The following DMD variants were observed in gnomAD, a reference collection of about 807,000 sequenced individuals.
DMD encodes the protein mutant dystrophin.
Under a neutral mutation model 330.1 loss-of-function variants are expected in DMD, and 63 were observed. That is an observed-to-expected ratio of 0.19 (90% CI 0.16 to 0.24). The LOEUF is 0.24. DMD is among the 10% of genes least tolerant of loss of function. The probability of loss-of-function intolerance (pLI) is 1.00; values close to 1 mark genes in which losing one functional copy is unlikely to be tolerated. For synonymous variants in DMD, 1,223 were observed against 959.8 expected (o/e 1.27, Z -5.07); for missense variants, 3,344 against 2,684.1 (o/e 1.25, Z -5.43).
intron 7 of DMD, among the ~76,000 whole-genome samples, chrX:32,722,718 G>A (rs956777836): frequency 4.5e-5 from 5 of 110,513 alleles, no homozygotes; most frequent in Admixed American, 2.9e-4. Flanking sequence ...ATCATAAATA[G>A]AATTTTTTAA....
chrX:32,593,781 A>C (rs2055205309), intron 13 of DMD, among the ~76,000 whole-genome samples: 1 of 112,623 alleles, frequency 8.9e-6, no homozygotes. Context: ...GACCAATTTT[A>C]GTTATAAAAT....
rs750267158 is a variant in DMD at position 33,110,752 on chromosome X, A to G, written c.32-90552T>C. 9.0e-5 allele frequency among the ~76,000 whole-genome samples: 10 copies of G among 110,951 alleles called. No homozygotes were observed. In the South Asian group the frequency reaches 3.4e-3, roughly 38 times the overall value. On this transcript the variant is annotated intron_variant, in intron 1 of 78. Transcript: ENST00000357033. ...TTTGACTGTATGGCTTCAAGGGCAG[A>G]GTTTTTATTTGTTCATCTTTGTGTC...
chrX:32,680,136 A>G (rs2062295013), intron 9 of DMD, among the ~76,000 whole-genome samples: 1 of 107,168 alleles, frequency 9.3e-6, no homozygotes, highest in African/African-American at 3.4e-5. Flanking sequence ...CTGGTCTCGA[A>G]CTCCTGAACT....
At chrX:32,264,073 C>T (rs1477446235) in intron 43 of DMD, among the ~76,000 whole-genome samples, 1 of 111,352 alleles carries the variant, frequency 9.0e-6, no homozygotes, top group Non-Finnish European at 1.9e-5. Context: ...AATTGCAGTT[C>T]CCATAATCCC....
chrX:31,381,900 T>C (rs1431087312), intron 60 of DMD, among the ~76,000 whole-genome samples: 2 of 111,734 alleles, frequency 1.8e-5, no homozygotes, highest in South Asian at 3.8e-4. Context: ...ACACATCAAG[T>C]TCGAGGATTT....
At chrX:32,269,730 T>A (rs1266674588) in intron 43 of DMD, among the ~76,000 whole-genome samples, 1 of 112,305 alleles carries the variant, frequency 8.9e-6, no homozygotes, top group Non-Finnish European at 1.9e-5. Flanking sequence ...AATATCCAAG[T>A]ATTAGATTCT....
chrX:32,690,250 G>C lies in DMD; in HGVS notation c.960+7620C>G, dbSNP rs766511246. On this transcript the variant is annotated intron_variant, in intron 9 of 78. Transcript: ENST00000357033. The stretch of plus-strand genomic sequence containing the variant: ...ACAAAAATTAGTTGAGTTTCTAGGA[G>C]ACAAATTCCATTCACAAGAGCACCA... 5.4e-5 allele frequency among the ~76,000 whole-genome samples: 6 copies of C among 110,949 alleles called. No homozygotes were observed. The South Asian group carries it at 2.2e-3, about 41-fold the overall frequency.
chrX:33,129,707 T>C lies in DMD; in HGVS notation c.31+81575A>G, dbSNP rs749917348. Among the ~76,000 whole-genome samples the C allele has an allele frequency of 8.1e-5, 9 of 110,525 alleles. No homozygotes were observed. The East Asian group carries it at 1.7e-3, about 21-fold the overall frequency. On this transcript the variant is annotated intron_variant, in intron 1 of 78. Coordinates refer to ENST00000357033, the MANE Select transcript of DMD (RefSeq NM_004006.3). ...GAGGTGTTGGTGGGAAAAATCTCAT[T>C]AATCGTACCGTATTCCCTTGTCTAC...
At chrX:31,767,698 A>G (rs755599022) in intron 51 of DMD, among the ~76,000 whole-genome samples, 5 of 111,927 alleles carry the variant, frequency 4.5e-5, no homozygotes, top group Non-Finnish European at 9.4e-5. Flanking sequence ...TGTCCCATCA[A>G]TTCTTCCAGG....
intron 55 of DMD, among the ~76,000 whole-genome samples, chrX:31,541,568 TGTGA>T (rs1335420365): frequency 9.7e-6 from 1 of 102,668 alleles, no homozygotes; most frequent in Non-Finnish European, 2.0e-5. Flanking sequence ...AATTCCCGCC[TGTGA>T]GTAAGAACAT....
At chrX:33,216,260 G>T (rs1047163677), upstream of DMD, among the ~76,000 whole-genome samples, 1 of 111,561 alleles carries the variant, frequency 9.0e-6, no homozygotes, top group Non-Finnish European at 1.9e-5. Flanking sequence ...TTAGCTGCAT[G>T]GTCATGAAAA....
intron 44 of DMD, among the ~76,000 whole-genome samples, chrX:32,022,029 T>C (rs1278164906): frequency 1.8e-5 from 2 of 112,365 alleles, no homozygotes; most frequent in African/African-American, 6.5e-5. Context: ...TATAAAACTA[T>C]GGACACCTTC....
intron 43 of DMD, among the ~76,000 whole-genome samples, chrX:32,227,691 G>A (rs906435106): frequency 1.0e-4 from 11 of 110,538 alleles, no homozygotes; most frequent in Non-Finnish European, 1.9e-4. Context: ...AAATGTACTT[G>A]TATACCTTAA....
At chrX:32,872,332 C>T (rs747472235) in intron 2 of DMD, among the ~76,000 whole-genome samples, 8 of 112,020 alleles carry the variant, frequency 7.1e-5, no homozygotes, top group African/African-American at 2.6e-4. Flanking sequence ...TGCTTTCTCA[C>T]CTACCTCGAA....
intron 60 of DMD, among the ~76,000 whole-genome samples, chrX:31,434,673 A>T (rs1241683159): frequency 9.0e-6 from 1 of 111,567 alleles, no homozygotes; most frequent in Non-Finnish European, 1.9e-5. Flanking sequence ...CCAGAAAAAA[A>T]TAATTATTGA....
At chrX:32,421,445 G>T (rs1167343328) in intron 29 of DMD, among the ~76,000 whole-genome samples, 1 of 111,712 alleles carries the variant, frequency 9.0e-6, no homozygotes, top group African/African-American at 3.3e-5. Context: ...TGGAACAGCT[G>T]CTTTTCCTTC....
intron 17 of DMD, among the ~76,000 whole-genome samples, chrX:32,539,332 A>G (rs1479274752): frequency 9.0e-6 from 1 of 111,143 alleles, no homozygotes. Context: ...TGCAACTGAA[A>G]GCAAGTTATT....
At chrX:31,178,855 A>G in intron 69 of DMD, 50 bp from the exon 70 acceptor site, 3 of 1,175,774 alleles carry the variant, frequency 2.6e-6, no homozygotes, top group Non-Finnish European at 3.5e-6. Flanking sequence ...ATGATTTCAA[A>G]ACTAATGACC....
At chrX:31,317,479 A>C (rs576640663) in intron 62 of DMD, among the ~76,000 whole-genome samples, 2 of 109,085 alleles carry the variant, frequency 1.8e-5, no homozygotes, top group South Asian at 7.9e-4. Context: ...TTCTTAGAAG[A>C]GTGAGGTGTC....
Sources: gnomAD v4.1 joint callset for allele counts (sites outside exome capture counted in the v4.1 genomes callset) on GRCh38, gnomAD v4.1.1 for gene constraint, MANE v1.5 for transcripts, NCBI Gene and HGNC (gene_info 2026-07-23, HGNC 2026-07-21) for gene names.